DTNA: variants seen among roughly 807,000 people sequenced by gnomAD.
DTNA encodes the protein dystrophin-related protein 3.
Under a neutral mutation model 100.7 loss-of-function variants are expected in DTNA, and 43 were observed. The observed-to-expected ratio is 0.43, with a 90% CI of 0.33 to 0.55. The LOEUF (loss-of-function observed/expected upper bound fraction) is 0.55. Ranked by LOEUF, DTNA falls within the 20% of genes least tolerant of loss-of-function variation. The probability of loss-of-function intolerance (pLI) is 0.04; values close to 1 mark genes in which losing one functional copy is unlikely to be tolerated. For synonymous variants in DTNA, 349 were observed against 347.9 expected (o/e 1.00, Z -0.04); for missense variants, 798 against 953.9 (o/e 0.84, Z 2.15).
intron 1 of DTNA, among the ~76,000 whole-genome samples, chr18:34,605,078 A>G (rs1241956010): frequency 1.3e-5 from 2 of 151,930 alleles, no homozygotes; most frequent in Non-Finnish European, 2.9e-5. Context: ...TGGAAAAACA[A>G]TGGGCATTTT....
intron 16 of DTNA, among the ~76,000 whole-genome samples, chr18:34,861,208 G>A (rs368094474): frequency 6.6e-6 from 1 of 151,998 alleles, no homozygotes; most frequent in African/African-American, 2.4e-5. Flanking sequence ...TTTAACGGCC[G>A]GGCGCGGTGG....
intron 1 of DTNA, among the ~76,000 whole-genome samples, chr18:34,686,358 A>C (rs56215261): frequency 0.055 from 8,370 of 152,248 alleles, 302 homozygotes; most frequent in Non-Finnish European, 0.076. Context: ...AGGGGTGTTG[A>C]ATTTTATTGA....
chr18:34,715,683 G>A (rs1331512718), intron 1 of DTNA, among the ~76,000 whole-genome samples: 6 of 151,894 alleles, frequency 4.0e-5, no homozygotes, highest in Non-Finnish European at 7.4e-5. Context: ...GATAGAAAAG[G>A]ATGACCTCAA....
chr18:34,750,227 G>A (rs185845608), intron 1 of DTNA, among the ~76,000 whole-genome samples: 57 of 152,270 alleles, frequency 3.7e-4, no homozygotes, highest in Admixed American at 5.9e-4. Flanking sequence ...GATTTTAATT[G>A]CGAGACTGTG....
chr18:34,605,823 A>G (rs2052971676), intron 1 of DTNA, among the ~76,000 whole-genome samples: 1 of 152,190 alleles, frequency 6.6e-6, no homozygotes, highest in Non-Finnish European at 1.5e-5. Context: ...CAATGGCTGC[A>G]GTACAAATAA....
chr18:34,830,229 C>G lies in DTNA; in HGVS notation c.1175+740C>G, dbSNP rs116906255. 1.7e-3 allele frequency among the ~76,000 whole-genome samples: 252 copies of G among 152,112 alleles called. 3 individuals are homozygous for G. In the East Asian group the frequency reaches 0.023, roughly 14 times the overall value. On this transcript the variant is annotated intron_variant, in intron 11 of 22. Transcript: ENST00000444659. ...AGCCCATCCCAACAATGAAATAAAA[C>G]CTAAGCAAGCCAAGTATAGTGCCAG...
In DTNA at chr18:34,782,406, C is replaced by A. The variant is rs1282646696; in HGVS notation, c.149-11631C>A. 2.0e-5 allele frequency among the ~76,000 whole-genome samples: 3 copies of A among 151,810 alleles called. No homozygotes were observed. In the East Asian group the frequency reaches 5.8e-4, roughly 29 times the overall value. ...TTATATTAAGTGGAATTTATAATTC[C>A]AATTATGGAATGATATAAAACATTC... On this transcript the variant is annotated intron_variant, in intron 3 of 22. Coordinates refer to ENST00000444659, the MANE Select transcript of DTNA (RefSeq NM_001386795.1).
chr18:34,647,257 T>C (rs1246831717), intron 1 of DTNA, among the ~76,000 whole-genome samples: 1 of 152,128 alleles, frequency 6.6e-6, no homozygotes, highest in Admixed American at 6.5e-5. Context: ...CTGAAATGTC[T>C]CCACCTACCA....
chr18:34,747,631 A>G (rs977314087), intron 1 of DTNA, among the ~76,000 whole-genome samples: 1 of 152,176 alleles, frequency 6.6e-6, no homozygotes, highest in African/African-American at 2.4e-5. Context: ...ACTAAAAATA[A>G]TGGCCTCCAG....
At chr18:34,680,657 T>C (rs930280412) in intron 1 of DTNA, among the ~76,000 whole-genome samples, 1 of 152,130 alleles carries the variant, frequency 6.6e-6, no homozygotes, top group Non-Finnish European at 1.5e-5. Context: ...TTTATAGAGA[T>C]TGGATTTAGA....
At chr18:34,667,957 A>T (rs1210070874) in intron 1 of DTNA, among the ~76,000 whole-genome samples, 1 of 151,988 alleles carries the variant, frequency 6.6e-6, no homozygotes, top group Non-Finnish European at 1.5e-5. Flanking sequence ...GTTAGGGAGG[A>T]TTCCCTCTTT....
chr18:34,751,274 G>A (rs1195906024), intron 1 of DTNA, among the ~76,000 whole-genome samples: 1 of 152,162 alleles, frequency 6.6e-6, no homozygotes, highest in Admixed American at 6.5e-5. Flanking sequence ...TGCAACACAT[G>A]AGTCTCACTC....
intron 1 of DTNA, among the ~76,000 whole-genome samples, chr18:34,522,940 C>G (rs2042283968): frequency 1.3e-5 from 2 of 152,206 alleles, no homozygotes; most frequent in Non-Finnish European, 2.9e-5. Flanking sequence ...GAGACAAATT[C>G]TTGAACAGAA....
At chr18:34,760,409 C>A (rs966031406) in intron 2 of DTNA, among the ~76,000 whole-genome samples, 1 of 152,140 alleles carries the variant, frequency 6.6e-6, no homozygotes, top group Non-Finnish European at 1.5e-5. Flanking sequence ...TTCTCTCAAG[C>A]CTTTACCTTT....
At chr18:34,851,775 C>A in intron 14 of DTNA, 56 bp from the exon 15 acceptor site, 1 of 1,577,214 alleles carries the variant, frequency 6.3e-7, no homozygotes, top group Non-Finnish European at 8.7e-7. Flanking sequence ...CCTGCCTTCC[C>A]AAATACATAG....
At chr18:34,665,354 TA>T (rs1204674054) in intron 1 of DTNA, among the ~76,000 whole-genome samples, 1 of 152,190 alleles carries the variant, frequency 6.6e-6, no homozygotes, top group Non-Finnish European at 1.5e-5. Context: ...GCTACATTTG[TA>T]TACAAATTTT....
chr18:34,623,808 A>G (rs1029401206), intron 1 of DTNA, among the ~76,000 whole-genome samples: 5 of 152,254 alleles, frequency 3.3e-5, no homozygotes, highest in African/African-American at 4.8e-5. Context: ...CAGTCACACC[A>G]TTGAATGAGG....
At position 34,785,897 on chromosome 18, in the gene DTNA, C is replaced by T. The variant is rs559694650; in HGVS notation, c.149-8140C>T. ...CAACACAATAAGGACTGAATAAACA[C>T]TTATTGTATGAGAGAAGTTATAAGA... On this transcript the variant is annotated intron_variant, in intron 3 of 22. Transcript: ENST00000444659. Among the ~76,000 whole-genome samples the T allele has an allele frequency of 1.4e-3, 219 of 152,222 alleles. 2 individuals carry two copies. The highest frequency in any genetic ancestry group is 5.2e-3 in the African/African-American group (216 of 41,520).
At chr18:34,704,279 G>A (rs2081832516) in intron 1 of DTNA, among the ~76,000 whole-genome samples, 2 of 152,190 alleles carry the variant, frequency 1.3e-5, no homozygotes, top group Admixed American at 1.3e-4. Flanking sequence ...ACAAAGGAAG[G>A]AAGGGAGAAA....
Sources: allele counts gnomAD v4.1 joint callset (sites outside exome capture counted in the v4.1 genomes callset), GRCh38; gene constraint gnomAD v4.1.1; transcripts MANE v1.5; gene names NCBI Gene and HGNC (gene_info 2026-07-23, HGNC 2026-07-21).